Variants in RFTN1 observed in about 807,000 individuals in gnomAD.
The protein encoded by RFTN1 is raftlin, lipid raft linker 1, also known as raftlin.
Under a neutral mutation model 46.5 loss-of-function variants are expected in RFTN1, and 26 were observed. The observed-to-expected ratio is 0.56, with a 90% confidence interval of 0.41 to 0.78. The LOEUF is 0.78. Among genes scored for constraint, RFTN1 ranks in the 30% least tolerant of loss-of-function variants. The probability of loss-of-function intolerance (pLI) is 0.00; values close to 1 mark genes in which losing one functional copy is unlikely to be tolerated. For synonymous variants in RFTN1, 261 were observed against 284.2 expected (o/e 0.92, Z 0.82); for missense variants, 693 against 718.7 (o/e 0.96, Z 0.41).
At chr3:16,445,673 G>T (rs1228597044) in intron 2 of RFTN1, among the ~76,000 whole-genome samples, 1 of 151,962 alleles carries the variant, frequency 6.6e-6, no homozygotes, top group East Asian at 1.9e-4. Context: ...ATCTAAGTAA[G>T]AAGTTTTTTA....
chr3:16,389,706 G>A (rs1003033146), intron 4 of RFTN1, among the ~76,000 whole-genome samples: 1 of 152,112 alleles, frequency 6.6e-6, no homozygotes. Flanking sequence ...CATGTATGTG[G>A]CAGACTGTAT....
rs11328637 is a variant in RFTN1, at chr3:16,488,100, C to CT, written c.145+5624dup. Among the ~76,000 whole-genome samples, 874 of 125,708 alleles carry CT rather than the reference C, an allele frequency of 7.0e-3. 4 individuals are homozygous for CT. The highest frequency in any genetic ancestry group is 0.017 in the African/African-American group (603 of 34,854). The allele number at this position is 125,708 out of a possible 152,430, so 82.5% of individuals were successfully genotyped here. A position where few individuals can be genotyped will look rare whatever the true frequency, so the allele number is the denominator to read the frequency against. ...TCAACAGTGTTAACTGTGATCCTGA[C>CT]TTTTTTTTTTTTTTTTTTTGAGACG... On this transcript the variant is annotated intron_variant, in intron 2 of 9. Transcript: ENST00000334133.
intron 2 of RFTN1, among the ~76,000 whole-genome samples, chr3:16,471,763 C>T (rs866129158): frequency 6.6e-6 from 1 of 152,054 alleles, no homozygotes; most frequent in African/African-American, 2.4e-5. Context: ...CAAGTTTGAT[C>T]AAAAAATTAT....
intron 2 of RFTN1, among the ~76,000 whole-genome samples, chr3:16,491,350 G>A (rs1015892168): frequency 2.6e-5 from 4 of 152,176 alleles, no homozygotes; most frequent in African/African-American, 9.7e-5. Flanking sequence ...GGAGAATGCG[G>A]TCAAGGAGAG....
Position 16,383,267 on chromosome 3 carries a change from C to T in RFTN1, c.442-5165G>A, listed in dbSNP as rs1465759345. 6.6e-6 allele frequency among the ~76,000 whole-genome samples: 1 copy of T among 152,118 alleles called. No homozygotes were observed. Among genetic ancestry groups the T allele is most frequent in the Non-Finnish European group, 1.5e-5 (1 of 68,038 alleles). Reference sequence around the variant, plus strand: ...GATGCCTGTTTAAACTGATATACACCCTCACCCACCTTATTCTCATTTCTG... The same window carrying T: ...GATGCCTGTTTAAACTGATATACACTCTCACCCACCTTATTCTCATTTCTG... On this transcript the variant is annotated intron_variant, in intron 4 of 9. Transcript: ENST00000334133. This position sits in a 1 kb window ranked among gnomAD's most constrained non-coding sequence, Gnocchi z 4.0.
At chr3:16,388,665 C>T (rs981494058) in intron 4 of RFTN1, among the ~76,000 whole-genome samples, 5 of 152,194 alleles carry the variant, frequency 3.3e-5, no homozygotes, top group African/African-American at 9.7e-5. Flanking sequence ...CCAAGTCAAT[C>T]TTCCCCTCAG....
rs965525547 is a variant in RFTN1 at position 16,480,395 on chromosome 3, G to A, written c.145+13330C>T. 6.6e-6 allele frequency among the ~76,000 whole-genome samples: 1 copy of A among 152,200 alleles called. No homozygotes were observed. The highest frequency in any genetic ancestry group is 6.5e-5 in the Admixed American group (1 of 15,288). On this transcript the variant is annotated intron_variant, in intron 2 of 9. Transcript: ENST00000334133. This position sits in a 1 kb window ranked among gnomAD's most constrained non-coding sequence, Gnocchi z 4.3. The stretch of plus-strand genomic sequence containing the variant: ...ACTCCTCCTGATAAATCATGTGTAT[G>A]TACCTGCAAAGTATGTTTATGCAAC...
intron 6 of RFTN1, among the ~76,000 whole-genome samples, chr3:16,363,846 G>A (rs960100980): frequency 3.6e-4 from 16 of 44,526 alleles, no homozygotes; most frequent in Non-Finnish European, 5.4e-4. Context: ...TTGATTCCAG[G>A]ATTCTTGGCA....
chr3:16,506,879 C>T lies in RFTN1; in HGVS notation c.-9+6563G>A, dbSNP rs537421864. Among the ~76,000 whole-genome samples the T allele has an allele frequency of 2.6e-5, 4 of 152,276 alleles. No individual in the cohort carries two copies. Among genetic ancestry groups the T allele is most frequent in the East Asian group, 1.9e-4 (1 of 5,188 alleles). ...TAAATACCTACTTAGCAGCATCTTT[C>T]GGGAATAGGAAAGACACTTATCTGG... On this transcript the variant is annotated intron_variant, in intron 1 of 9. Transcript: ENST00000334133. The surrounding 1 kb of genome is among the most constrained non-coding windows in gnomAD (Gnocchi z 4.8).
At chr3:16,343,338 A>G (rs373058875) in intron 7 of RFTN1, among the ~76,000 whole-genome samples, 33 of 152,308 alleles carry the variant, frequency 2.2e-4, no homozygotes, top group East Asian at 9.6e-4. Context: ...ACACTCTCCA[A>G]TTAGACCTAG....
In RFTN1 at chr3:16,385,444, C is replaced by T. The variant is rs1199627133; in HGVS notation, c.442-7342G>A. Among the ~76,000 whole-genome samples the T allele has an allele frequency of 1.3e-5, 2 of 152,094 alleles. No individual in the cohort carries two copies. The highest frequency in any genetic ancestry group is 2.1e-4 in the South Asian group (1 of 4,818). ...CTGCTGTTGTGGTTTTCTCATTTAG[C>T]GACTGAGAGGTCTTAGAATCTGCCC... is the stretch of plus-strand genomic sequence containing the variant. On this transcript the variant is annotated intron_variant, in intron 4 of 9. Transcript: ENST00000334133. This position sits in a 1 kb window ranked among gnomAD's most constrained non-coding sequence, Gnocchi z 5.0.
At chr3:16,491,462 A>T (rs1378389473) in intron 2 of RFTN1, among the ~76,000 whole-genome samples, 1 of 152,194 alleles carries the variant, frequency 6.6e-6, no homozygotes. Context: ...GCCACGTGGG[A>T]TATCCCCCAG....
At position 16,329,431 on chromosome 3, in the gene RFTN1, C is replaced by T. The variant is rs778274117; in HGVS notation, c.1147-2555G>A. ...AGGAGAGAGAGGTACAAGAATAATC[C>T]GTTTACAGGTGGGGCCAGGAGAGAA... On this transcript the variant is annotated intron_variant, in intron 7 of 9. Transcript: ENST00000334133. This position sits in a 1 kb window ranked among gnomAD's most constrained non-coding sequence, Gnocchi z 4.5. 1.3e-5 allele frequency among the ~76,000 whole-genome samples: 2 copies of T among 152,142 alleles called. No homozygotes were observed. Among genetic ancestry groups the T allele is most frequent in the Non-Finnish European group, 2.9e-5 (2 of 68,018 alleles).
At chr3:16,378,314 T>C (rs551578928) in intron 4 of RFTN1, among the ~76,000 whole-genome samples, 1 of 152,222 alleles carries the variant, frequency 6.6e-6, no homozygotes, top group South Asian at 2.1e-4. Flanking sequence ...TTTAACTATA[T>C]TGTCTGATGG....
chr3:16,420,174 C>T (rs1223198521), intron 3 of RFTN1, among the ~76,000 whole-genome samples: 1 of 152,156 alleles, frequency 6.6e-6, no homozygotes, highest in African/African-American at 2.4e-5. Flanking sequence ...TCGGTGCTCC[C>T]TGTCTAATGG....
At position 16,390,655 on chromosome 3, in the gene RFTN1, C is replaced by T. The variant is rs1169305895; in HGVS notation, c.442-12553G>A. On this transcript the variant is annotated intron_variant, in intron 4 of 9. Transcript: ENST00000334133. ...GAATGATGCCCACATTCCCAGGCAC[C>T]ATCAGAGTCAGAAAGGGTCACAGAG... Among the ~76,000 whole-genome samples, 11 of 152,320 alleles carry T rather than the reference C, an allele frequency of 7.2e-5. No homozygotes were observed. In the East Asian group the frequency reaches 2.1e-3, roughly 29 times the overall value.
chr3:16,506,306 G>A lies in RFTN1; in HGVS notation c.-9+7136C>T, dbSNP rs1464187557. Among the ~76,000 whole-genome samples, 2 of 152,130 alleles carry A rather than the reference G, an allele frequency of 1.3e-5. No homozygotes were observed. The highest frequency in any genetic ancestry group is 1.5e-5 in the Non-Finnish European group (1 of 68,012). On this transcript the variant is annotated intron_variant, in intron 1 of 9. Transcript: ENST00000334133. The surrounding 1 kb of genome is among the most constrained non-coding windows in gnomAD (Gnocchi z 4.8). ...CCCTGGGAGGCTGAGCAGACCTCAGGGTGAAGTCAAACAGGGCTGGGGAGA... is the reference window on the plus strand; with the variant it reads ...CCCTGGGAGGCTGAGCAGACCTCAGAGTGAAGTCAAACAGGGCTGGGGAGA...
intron 2 of RFTN1, among the ~76,000 whole-genome samples, chr3:16,485,809 C>T (rs1575358499): frequency 1.3e-5 from 2 of 152,224 alleles, no homozygotes; most frequent in Non-Finnish European, 2.9e-5. Context: ...AATATCACTG[C>T]GACACCCTTC....
In RFTN1 at chr3:16,334,116, G is replaced by C. The variant is rs2070614830; in HGVS notation, c.1147-7240C>G. On this transcript the variant is annotated intron_variant, in intron 7 of 9. Transcript: ENST00000334133. This position sits in a 1 kb window ranked among gnomAD's most constrained non-coding sequence, Gnocchi z 4.3. ...GGAGGCAGAAGCTGCAGTGAGCCGA[G>C]ATCGTGCCACTGCACTCCAGCCTGG... Among the ~76,000 whole-genome samples the C allele has an allele frequency of 6.6e-6, 1 of 152,168 alleles. No individual in the cohort carries two copies. Among genetic ancestry groups the C allele is most frequent in the Non-Finnish European group, 1.5e-5 (1 of 68,030 alleles).
Sources: gnomAD v4.1 joint callset for allele counts (sites outside exome capture counted in the v4.1 genomes callset) on GRCh38, gnomAD v4.1.1 for gene constraint, Gnocchi (gnomAD v3.1) non-coding constraint, MANE v1.5 for transcripts, NCBI Gene and HGNC (gene_info 2026-07-23, HGNC 2026-07-21) for gene names.